Variants in BRCC3 observed in about 807,000 individuals in gnomAD.
BRCC3 encodes the protein lys-63-specific deubiquitinase BRCC36.
In BRCC3, 15 loss-of-function variants were observed where a neutral mutation model predicts 28.0. The ratio of observed to expected loss-of-function variants is 0.54; its 90% confidence interval spans 0.36 to 0.82. The LOEUF (loss-of-function observed/expected upper bound fraction) is 0.82, where lower values mean the gene tolerates loss of function less well. Ranked by LOEUF, BRCC3 falls within the 40% of genes least tolerant of loss-of-function variation. The pLI, the probability that BRCC3 is intolerant of heterozygous loss-of-function variation, is 0.01. For synonymous variants in BRCC3, 66 were observed against 80.3 expected (o/e 0.82, Z 0.95); for missense variants, 109 against 225.9 (o/e 0.48, Z 3.32).
chrX:155,118,700 A>G (rs1303562033), intron 9 of BRCC3, among the ~76,000 whole-genome samples: 1 of 111,758 alleles, frequency 8.9e-6, no homozygotes, highest in African/African-American at 3.3e-5. Context: ...CAACAGAGGA[A>G]ACGAGAATGG....
intron 4 of BRCC3, among the ~76,000 whole-genome samples, chrX:155,078,274 A>C (rs1557293856): frequency 8.9e-6 from 1 of 112,566 alleles, no homozygotes; most frequent in Non-Finnish European, 1.9e-5. Flanking sequence ...AGGAAAACTA[A>C]TGAGCATTTT....
intron 7 of BRCC3, among the ~76,000 whole-genome samples, chrX:155,106,740 G>A (rs2074287542): frequency 8.9e-6 from 1 of 112,468 alleles, no homozygotes; most frequent in Non-Finnish European, 1.9e-5. Flanking sequence ...AGAAATGTAA[G>A]TAGCAGTGAG....
At position 155,086,409 on chromosome X, in the gene BRCC3, C is replaced by T. The variant is rs377089347; in HGVS notation, c.404-2854C>T. ...CCTTGCCCAGGCTGGAGTGCGATGGCGCGCCCTCTCAGGTAACTGCAACCG... is the reference window on the plus strand; with the variant it reads ...CCTTGCCCAGGCTGGAGTGCGATGGTGCGCCCTCTCAGGTAACTGCAACCG... On this transcript the variant is annotated intron_variant, in intron 5 of 10. Coordinates refer to ENST00000330045, the MANE Select transcript of BRCC3 (RefSeq NM_001018055.3). Among the ~76,000 whole-genome samples the T allele has an allele frequency of 2.0e-4, 22 of 111,786 alleles. No individual in the cohort carries two copies. The South Asian group carries it at 3.4e-3, about 17-fold the overall frequency.
Position 155,105,397 on chromosome X carries a change from T to C in BRCC3, c.549-10660T>C, listed in dbSNP as rs782639392. Among the ~76,000 whole-genome samples the C allele has an allele frequency of 3.0e-4, 33 of 111,360 alleles. No individual in the cohort carries two copies. The South Asian group carries it at 3.8e-3, about 13-fold the overall frequency. On this transcript the variant is annotated intron_variant, in intron 7 of 10. Coordinates refer to ENST00000330045, the MANE Select transcript of BRCC3 (RefSeq NM_001018055.3). The stretch of plus-strand genomic sequence containing the variant: ...ACTCGGGAGGCTGAGGCAGGAGAAT[T>C]GCTTGAACCCGGGAGGCGGAGGTTG...
chrX:155,086,973 G>A (rs1268298700), intron 5 of BRCC3, among the ~76,000 whole-genome samples: 2 of 112,251 alleles, frequency 1.8e-5, no homozygotes, highest in African/African-American at 6.5e-5. Context: ...AGGAAAGGCT[G>A]AGAGGTGGCC....
chrX:155,090,720 G>C, intron 6 of BRCC3, 64 bp from the exon 7 acceptor site: 1 of 877,402 alleles, frequency 1.1e-6, no homozygotes, highest in Non-Finnish European at 1.6e-6. Flanking sequence ...GGGACCTTTG[G>C]GGTCTTTTTC....
intron 7 of BRCC3, among the ~76,000 whole-genome samples, chrX:155,106,463 T>TGATTCCTTA (rs2074285709): frequency 8.9e-6 from 1 of 112,221 alleles, no homozygotes; most frequent in Non-Finnish European, 1.9e-5. Context: ...AACCTCTAAT[T>TGATTCCTTA]GATTCCTTAA....
chrX:155,086,376 C>T (rs2074128565), intron 5 of BRCC3, among the ~76,000 whole-genome samples: 1 of 111,947 alleles, frequency 8.9e-6, no homozygotes, highest in Non-Finnish European at 1.9e-5. Flanking sequence ...TCCGTCCCTC[C>T]CTCCCTTCCT....
intron 5 of BRCC3, among the ~76,000 whole-genome samples, chrX:155,087,945 A>G (rs2074145357): frequency 8.9e-6 from 1 of 112,402 alleles, no homozygotes; most frequent in Non-Finnish European, 1.9e-5. Flanking sequence ...AATTACAAAA[A>G]CCCTATGAGA....
At chrX:155,074,792 C>A (rs186121015) in intron 3 of BRCC3, among the ~76,000 whole-genome samples, 3 of 111,701 alleles carry the variant, frequency 2.7e-5, no homozygotes, top group Non-Finnish European at 5.6e-5. Flanking sequence ...TATTTTTTAT[C>A]CTTTTATTTT....
chrX:155,094,468 TAG>T (rs1180223404), intron 7 of BRCC3, among the ~76,000 whole-genome samples: 3 of 110,658 alleles, frequency 2.7e-5, no homozygotes, highest in South Asian at 3.8e-4. Flanking sequence ...AGAGAGTAGC[TAG>T]AGTCTCATTG....
chrX:155,111,572 A>C (rs1569560589), intron 7 of BRCC3, among the ~76,000 whole-genome samples: 2 of 111,896 alleles, frequency 1.8e-5, no homozygotes, highest in Admixed American at 9.5e-5. Context: ...AAAAAGAATA[A>C]TGCTGGACCA....
chrX:155,075,237 TCTC>T (rs2074022365), intron 3 of BRCC3, among the ~76,000 whole-genome samples: 1 of 54,603 alleles, frequency 1.8e-5, no homozygotes, highest in Admixed American at 1.9e-4. Context: ...AAAAGCCTTC[TCTC>T]AGATTTCACC....
chrX:155,103,959 TTTTA>T (rs782411579), intron 7 of BRCC3, among the ~76,000 whole-genome samples: 5 of 111,520 alleles, frequency 4.5e-5, no homozygotes, highest in Admixed American at 9.5e-5. Flanking sequence ...ATGTTTTAAT[TTTTA>T]TTTATTTATT....
At chrX:155,074,877 C>G (rs1414807650) in intron 3 of BRCC3, among the ~76,000 whole-genome samples, 1 of 111,157 alleles carries the variant, frequency 9.0e-6, no homozygotes, top group Non-Finnish European at 1.9e-5. Context: ...TTTAAAAAAT[C>G]CAGTGTGATA....
intron 7 of BRCC3, 106 bp from the exon 8 acceptor site, chrX:155,115,951 A>G (rs2074352000): frequency 2.5e-6 from 2 of 788,916 alleles, no homozygotes; most frequent in Admixed American, 3.0e-5. Flanking sequence ...AGCAATGCTT[A>G]ATCTTTAAAG....
Position 155,113,815 on chromosome X carries a change from T to C in BRCC3, c.549-2242T>C, listed in dbSNP as rs149840188. Among the ~76,000 whole-genome samples the C allele has an allele frequency of 2.4e-3, 272 of 111,952 alleles. 1 individual carries two copies. The highest frequency in any genetic ancestry group is 8.4e-3 in the African/African-American group (258 of 30,876). ...ACAACAAAAAAATCTGATTTTAAAA[T>C]GGGCAAAGGACTTAAAGTGATATTT... On this transcript the variant is annotated intron_variant, in intron 7 of 10. Transcript: ENST00000330045.
At position 155,110,036 on chromosome X, in the gene BRCC3, G is replaced by T. The variant is rs2074310721; in HGVS notation, c.549-6021G>T. On this transcript the variant is annotated intron_variant, in intron 7 of 10. Transcript: ENST00000330045. ...TTTGCCTTAATGTGGTAAGTCGCATGAACTGATTTCTGAATCTTAACCCAG... is the reference window on the plus strand; with the variant it reads ...TTTGCCTTAATGTGGTAAGTCGCATTAACTGATTTCTGAATCTTAACCCAG... Among the ~76,000 whole-genome samples the T allele has an allele frequency of 4.5e-5, 5 of 111,534 alleles. No homozygotes were observed. The South Asian group carries it at 1.8e-3, about 41-fold the overall frequency.
intron 7 of BRCC3, among the ~76,000 whole-genome samples, chrX:155,098,602 A>G (rs1039385228): frequency 1.8e-5 from 2 of 112,322 alleles, no homozygotes; most frequent in East Asian, 2.8e-4. Flanking sequence ...CATATTGTCT[A>G]TGACCCCTTT....
Sources: allele counts gnomAD v4.1 joint callset (sites outside exome capture counted in the v4.1 genomes callset), GRCh38; gene constraint gnomAD v4.1.1; transcripts MANE v1.5; gene names NCBI Gene and HGNC (gene_info 2026-07-23, HGNC 2026-07-21).